TMEM87B: variants seen among roughly 807,000 people sequenced by gnomAD.
TMEM87B encodes transmembrane protein 87B.
A neutral mutation model predicts 80.3 loss-of-function variants in TMEM87B; 83 were observed. The ratio of observed to expected loss-of-function variants is 1.03; its 90% CI spans 0.87 to 1.24. The LOEUF (loss-of-function observed/expected upper bound fraction) is 1.24, where lower values mean the gene tolerates loss of function less well. Among genes scored for constraint, TMEM87B ranks in the 50% most tolerant of loss-of-function variants. The probability of loss-of-function intolerance (pLI) is 0.00; values close to 1 mark genes in which losing one functional copy is unlikely to be tolerated. For missense variants in TMEM87B, 625 were observed against 674.4 expected, an observed-to-expected ratio of 0.93 and a Z score of 0.81; for synonymous variants, 219 against 230.5, an observed-to-expected ratio of 0.95 and a Z score of 0.45.
intron 11 of TMEM87B, among the ~76,000 whole-genome samples, chr2:112,094,328 A>T (rs1454597834): frequency 6.6e-6 from 1 of 151,786 alleles, no homozygotes; most frequent in Non-Finnish European, 1.5e-5. Flanking sequence ...CGCCCAGCTA[A>T]TTTTTTGTAT....
chr2:112,090,385 T>TGGTG (rs1454779444), intron 10 of TMEM87B, among the ~76,000 whole-genome samples: 5 of 71,214 alleles, frequency 7.0e-5, no homozygotes, highest in African/African-American at 1.6e-4. Flanking sequence ...GTTGATTGGT[T>TGGTG]GGTTGGTTGG....
At chr2:112,101,219 T>TA (rs1437507574) in intron 15 of TMEM87B, among the ~76,000 whole-genome samples, 1 of 152,236 alleles carries the variant, frequency 6.6e-6, no homozygotes, top group Non-Finnish European at 1.5e-5. Flanking sequence ...AGGGTAATTT[T>TA]ATCTTTGTTT....
Position 112,116,318 on chromosome 2 carries a change from C to T in TMEM87B, c.*175C>T. The stretch of plus-strand genomic sequence containing the variant: ...TTCTATAGTCCTTTTAAAGCTGACT[C>T]TTGAGTGTCAGTTGAATATCCATTA... On this transcript the variant is annotated 3_prime_UTR_variant, in exon 19 of 19. Transcript: ENST00000283206. The T allele has an allele frequency of 3.6e-6, 2 of 552,048 alleles. No individual in the cohort carries two copies. The highest frequency in any genetic ancestry group is 3.2e-6 in the Non-Finnish European group (1 of 315,756). 34.2% of individuals were successfully genotyped at this position (552,048 alleles called of 1,614,324 possible).
chr2:112,067,050 G>A lies in TMEM87B; in HGVS notation c.433G>A (p.Val145Met). The change falls in exon 4 of 19, where the codon GTG becomes ATG. Residue 145 changes from valine (V) to methionine (M), a missense_variant. Val to Met is a conservative substitution (Grantham distance 21). Transcript: ENST00000283206. ...CTTAGATTGCAACAGTGATTCACAG[G>A]TGTTTCCCTCTTTGAATGTGAGTAT... ...ENLDCNSDSQ[V>M]FPSLNNKELI... 3.1e-6 allele frequency: 5 copies of A among 1,610,502 alleles called. No individual in the cohort carries two copies. Among genetic ancestry groups the A allele is most frequent in the Non-Finnish European group, 4.2e-6 (5 of 1,179,042 alleles).
intron 15 of TMEM87B, among the ~76,000 whole-genome samples, chr2:112,101,001 T>C (rs1679615359): frequency 6.6e-6 from 1 of 152,326 alleles, no homozygotes; most frequent in Non-Finnish European, 1.5e-5. Context: ...TGATGATTGC[T>C]AAGTTTCTTT....
At chr2:112,073,003 G>C (rs1016680644) in intron 4 of TMEM87B, among the ~76,000 whole-genome samples, 1 of 147,244 alleles carries the variant, frequency 6.8e-6, no homozygotes, top group Admixed American at 6.9e-5. Flanking sequence ...AGGTTCAAGT[G>C]ATTCTCCCAC....
At chr2:112,059,938 T>G in intron 1 of TMEM87B, 39 bp from the exon 2 acceptor site, 1 of 1,584,666 alleles carries the variant, frequency 6.3e-7, no homozygotes, top group African/African-American at 1.4e-5. Context: ...CAAAAAAAAC[T>G]TTCTAACAAG....
intron 1 of TMEM87B, among the ~76,000 whole-genome samples, chr2:112,059,644 A>G (rs1678184631): frequency 6.6e-6 from 1 of 152,216 alleles, no homozygotes; most frequent in African/African-American, 2.4e-5. Flanking sequence ...GTACATTCAA[A>G]TTGACGCCAG....
rs1012175231 is a variant in TMEM87B at position 112,055,479 on chromosome 2, A to G, written c.-113A>G. 2 of 1,257,616 alleles carry G rather than the reference A, an allele frequency of 1.6e-6. No homozygotes were observed. The highest frequency in any genetic ancestry group is 1.0e-6 in the Non-Finnish European group (1 of 963,776). 77.9% of individuals were successfully genotyped at this position (1,257,616 alleles called of 1,614,324 possible). On this transcript the variant is annotated 5_prime_UTR_variant, in exon 1 of 19. Transcript: ENST00000283206. ...GCCCAAGCGCGAGCCCCTCCTCCAC[A>G]CCCGAGTCCGAGCCCCGCGTCCCGG...
intron 1 of TMEM87B, among the ~76,000 whole-genome samples, chr2:112,057,300 G>A (rs1167097546): frequency 6.6e-6 from 1 of 152,202 alleles, no homozygotes; most frequent in African/African-American, 2.4e-5. Flanking sequence ...TTGAGACAGA[G>A]TCTTGTTCTG....
intron 5 of TMEM87B, among the ~76,000 whole-genome samples, chr2:112,075,856 G>C (rs1042636301): frequency 1.3e-5 from 2 of 152,180 alleles, no homozygotes; most frequent in African/African-American, 4.8e-5. Flanking sequence ...ATATGATGAG[G>C]AGTAGGAAAT....
chr2:112,095,386 G>C, intron 11 of TMEM87B: 1 of 984,102 alleles, frequency 1.0e-6, no homozygotes, highest in Non-Finnish European at 1.2e-6. Context: ...TCCATGGCAG[G>C]AATGATTTAC....
intron 15 of TMEM87B, 96 bp downstream of exon 15, chr2:112,100,791 T>C: frequency 1.5e-6 from 1 of 686,092 alleles, no homozygotes; most frequent in South Asian, 3.1e-5. Flanking sequence ...ATATTGTTTT[T>C]TTCTATAAAA....
intron 14 of TMEM87B, among the ~76,000 whole-genome samples, chr2:112,099,555 T>TATATATATATATACATAC (rs1019425429): frequency 1.4e-5 from 1 of 73,558 alleles, no homozygotes; most frequent in African/African-American, 5.0e-5. Flanking sequence ...TATATATATA[T>TATATATATATATACATAC]ACACACACAC....
chr2:112,079,526 A>C (rs1453943749), intron 6 of TMEM87B, among the ~76,000 whole-genome samples: 1 of 152,216 alleles, frequency 6.6e-6, no homozygotes, highest in African/African-American at 2.4e-5. Flanking sequence ...ATGGACACTT[A>C]CCTTGATTCC....
At position 112,089,728 on chromosome 2, in the gene TMEM87B, A is replaced by G. The variant is rs922188116; in HGVS notation, c.1032+10A>G. On this transcript the variant is annotated intron_variant, in intron 10 of 18. Transcript: ENST00000283206. ...GATGAGAGTCATTGGGGTAAAAACT[A>G]CATTATTCTACCACCCCTTTTTGTT... The G allele has an allele frequency of 6.2e-7, 1 of 1,611,422 alleles. No individual in the cohort carries two copies. Among genetic ancestry groups the G allele is most frequent in the Non-Finnish European group, 8.5e-7 (1 of 1,177,544 alleles).
Position 112,112,887 on chromosome 2 carries a change from CT to C in TMEM87B, c.1578-8del. On this transcript the variant is annotated splice_polypyrimidine_tract_variant and intron_variant, in intron 17 of 18. Transcript: ENST00000283206. ...TAACAACATTATCACCTTTTTTTCC[CT>C]TTTATTTCAGAGCTCTTCCAGTGTT... 6.2e-7 allele frequency: 1 copy of C among 1,611,104 alleles called. No homozygotes were observed. Among genetic ancestry groups the C allele is most frequent in the Non-Finnish European group, 8.5e-7 (1 of 1,178,646 alleles).
chr2:112,075,568 T>G (rs904175702), intron 5 of TMEM87B, among the ~76,000 whole-genome samples: 1 of 152,182 alleles, frequency 6.6e-6, no homozygotes. Context: ...CAATGGGCTG[T>G]GCGTGTCATT....
intron 16 of TMEM87B, among the ~76,000 whole-genome samples, chr2:112,106,329 T>C (rs1679765713): frequency 6.6e-6 from 1 of 152,176 alleles, no homozygotes; most frequent in African/African-American, 2.4e-5. Flanking sequence ...ATCTGGGAAC[T>C]TGTTAGAGAT....
Sources: allele counts gnomAD v4.1 joint callset (sites outside exome capture counted in the v4.1 genomes callset), GRCh38; gene constraint gnomAD v4.1.1; transcripts MANE v1.5; gene names NCBI Gene and HGNC (gene_info 2026-07-23, HGNC 2026-07-21).